Variants in CHMP4A observed in about 807,000 individuals in gnomAD.
The protein encoded by CHMP4A is SNF7 homolog associated with Alix-2.
Under a neutral mutation model 28.2 loss-of-function variants are expected in CHMP4A, and 29 were observed. That is an observed-to-expected ratio of 1.03 (90% CI 0.77 to 1.40). The LOEUF (loss-of-function observed/expected upper bound fraction) is 1.40. Ranked by LOEUF, CHMP4A falls within the 40% of genes most tolerant of loss-of-function variation. CHMP4A has a pLI of 0.00. For missense variants in CHMP4A, 241 were observed against 263.5 expected (o/e 0.91, Z 0.59); for synonymous variants, 88 against 99.3 (o/e 0.89, Z 0.67).
chr14:24,210,649 A>G lies in CHMP4A; in HGVS notation c.474+5T>C, dbSNP rs111479143. ...AATATTCCCTGACCCTTCACCCCCAATCACCTCATCCACATCATCTCCAAA... is the reference window on the plus strand; with the variant it reads ...AATATTCCCTGACCCTTCACCCCCAGTCACCTCATCCACATCATCTCCAAA... On this transcript the variant is annotated splice_donor_5th_base_variant and intron_variant, in intron 4 of 5. Transcript: ENST00000347519. The G allele has an allele frequency of 1.5e-4, 236 of 1,609,794 alleles. No individual in the cohort carries two copies. Among genetic ancestry groups the G allele is most frequent in the African/African-American group, 1.9e-4 (14 of 74,896 alleles).
At chr14:24,210,131 C>T (rs906681502) in intron 5 of CHMP4A, among the ~76,000 whole-genome samples, 196 bp from the exon 6 acceptor site, 8 of 151,972 alleles carry the variant, frequency 5.3e-5, no homozygotes, top group Non-Finnish European at 1.0e-4. Flanking sequence ...AAAATGGTGC[C>T]TCTTGCTCCT....
chr14:24,212,417 C>T (rs1183124676), intron 1 of CHMP4A: 4 of 198,656 alleles, frequency 2.0e-5, no homozygotes, highest in Non-Finnish European at 3.1e-5. Context: ...GACAGAGTCT[C>T]GCTCTGTTGC....
chr14:24,209,802 C>T lies in CHMP4A; in HGVS notation c.*75G>A. 7.0e-7 allele frequency: 1 copy of T among 1,436,798 alleles called. No individual in the cohort carries two copies. Among genetic ancestry groups the T allele is most frequent in the South Asian group, 1.1e-5 (1 of 87,300 alleles). 89.0% of individuals were successfully genotyped at this position (1,436,798 alleles called of 1,614,324 possible). ...CATGACTTCCCCAAAAAGTTATCCT[C>T]CTTTAGCTCAGCACTTGGCACTTAA... On this transcript the variant is annotated 3_prime_UTR_variant, in exon 6 of 6. Coordinates refer to ENST00000347519, the MANE Select transcript of CHMP4A (RefSeq NM_014169.5).
In CHMP4A at chr14:24,211,699, A is replaced by G. The variant is rs1232883727; in HGVS notation, c.162T>C (p.Tyr54=). The G allele has an allele frequency of 6.2e-7, 1 of 1,614,102 alleles. No individual in the cohort carries two copies. Among genetic ancestry groups the G allele is most frequent in the Middle Eastern group, 1.6e-4 (1 of 6,062 alleles). The change falls in exon 2 of 6, where the codon TAT becomes TAC. Residue 54 remains tyrosine (Y), a synonymous_variant. Coordinates refer to ENST00000347519, the MANE Select transcript of CHMP4A (RefSeq NM_014169.5). ...CATTACCTCTCTTATTCTTGGTCCCATACTTCTTGGCTGTTTGTAGCTCCT... is the reference window on the plus strand; with the variant it reads ...CATTACCTCTCTTATTCTTGGTCCCGTACTTCTTGGCTGTTTGTAGCTCCT... ...IQQELQTAKK[Y]GTKNKRAALQ...
intron 1 of CHMP4A, chr14:24,212,960 A>G (rs1354452947): frequency 6.1e-6 from 1 of 163,800 alleles, no homozygotes; most frequent in Non-Finnish European, 1.3e-5. Flanking sequence ...TCGGCCTCCC[A>G]AAGTGTTGCG....
chr14:24,211,333 G>C, intron 3 of CHMP4A, 82 bp downstream of exon 3: 1 of 1,223,822 alleles, frequency 8.2e-7, no homozygotes, highest in Non-Finnish European at 1.1e-6. Context: ...TTCACATTCT[G>C]AGAGGCTTTA....
intron 3 of CHMP4A, chr14:24,211,210 A>C (rs2138859819): frequency 3.8e-6 from 2 of 521,534 alleles, no homozygotes; most frequent in Non-Finnish European, 3.4e-6. Flanking sequence ...CAAAACAAAA[A>C]AAGAATTAGA....
chr14:24,210,004 C>A, intron 5 of CHMP4A, 69 bp from the exon 6 acceptor site: 1 of 1,364,528 alleles, frequency 7.3e-7, no homozygotes, highest in East Asian at 2.3e-5. Flanking sequence ...CCAACCATCC[C>A]CTGCTATGAC....
rs935612919 is a variant in CHMP4A at position 24,211,534 on chromosome 14, G to A, written c.240C>T (p.Asp80=). 3.1e-6 allele frequency: 5 copies of A among 1,614,046 alleles called. No homozygotes were observed. Among genetic ancestry groups the A allele is most frequent in the Non-Finnish European group, 3.4e-6 (4 of 1,179,924 alleles). The change falls in exon 3 of 6, where the codon GAC becomes GAT. Residue 80 remains aspartate, a synonymous_variant. Coordinates refer to ENST00000347519, the MANE Select transcript of CHMP4A (RefSeq NM_014169.5). ...GAAACTCCAGGGTGGATAATGTCCC[G>A]TCAGTTTGTGCCAGCTGCTGTTCGA... ...KRFEQQLAQT[D]GTLSTLEFQR...
intron 3 of CHMP4A, 111 bp downstream of exon 3, chr14:24,211,304 C>G: frequency 2.1e-6 from 2 of 960,460 alleles, no homozygotes; most frequent in Non-Finnish European, 3.0e-6. Context: ...CTAGCCATCA[C>G]AAGTATCTAT....
intron 3 of CHMP4A, 157 bp downstream of exon 3, chr14:24,211,258 A>G (rs190832518): frequency 2.1e-5 from 13 of 631,854 alleles, no homozygotes; most frequent in Admixed American, 1.5e-4. Flanking sequence ...CCAGGCAGCG[A>G]AAGAATTTTA....
chr14:24,211,521 T>C lies in CHMP4A; in HGVS notation c.253A>G (p.Thr85Ala). ...QLAQTDGTLS[T>A]LEFQREAIEN... The stretch of plus-strand genomic sequence containing the variant: ...ATGGCCTCACGCTGAAACTCCAGGG[T>C]GGATAATGTCCCGTCAGTTTGTGCC... The change falls in exon 3 of 6, where the codon ACC (threonine) becomes GCC (alanine). Residue 85 changes from threonine to alanine, a missense_variant. Thr to Ala is a moderately conservative substitution (Grantham distance 58). Coordinates refer to ENST00000347519, the MANE Select transcript of CHMP4A (RefSeq NM_014169.5). 6.2e-7 allele frequency: 1 copy of C among 1,614,074 alleles called. No individual in the cohort carries two copies.
At chr14:24,211,185 A>AAAAAC (rs994291291) in intron 3 of CHMP4A, 11 of 504,848 alleles carry the variant, frequency 2.2e-5, no homozygotes, top group Admixed American at 3.2e-5. Context: ...CTCCATCTCA[A>AAAAAC]AAAACAAAAC....
Position 24,211,821 on chromosome 14 carries a change from C to T in CHMP4A, c.40G>A (p.Glu14Lys). 2 of 1,613,068 alleles carry T rather than the reference C, an allele frequency of 1.2e-6. No homozygotes were observed. The highest frequency in any genetic ancestry group is 2.2e-5 in the East Asian group (1 of 44,880). The change falls in exon 2 of 6, where the codon GAG becomes AAG. Residue 14 changes from glutamate to lysine, a missense_variant. Coordinates refer to ENST00000347519, the MANE Select transcript of CHMP4A (RefSeq NM_014169.5). ...LGRLFGKGKK[E>K]KGPTPEEAIQ... Reference sequence around the variant, plus strand: ...GCTTCTTCAGGGGTTGGCCCTTTCTCCTTCTTCCCTGAGGAGTCCAGTGGA... The same window carrying T: ...GCTTCTTCAGGGGTTGGCCCTTTCTTCTTCTTCCCTGAGGAGTCCAGTGGA...
At chr14:24,210,255 G>A in intron 5 of CHMP4A, 93 bp downstream of exon 5, 1 of 1,499,420 alleles carries the variant, frequency 6.7e-7, no homozygotes, top group South Asian at 1.3e-5. Context: ...CTTTCTGTGT[G>A]GCTCCTTTGA....
At chr14:24,212,681 C>G (rs4597237) in intron 1 of CHMP4A, 236,108 of 241,846 alleles carry the variant, frequency 0.98, 115,505 homozygotes, top group East Asian at 1. Context: ...CAGCCTCCCC[C>G]AGTAGCTGGG....
chr14:24,210,205 C>T (rs1594469102), intron 5 of CHMP4A, 143 bp downstream of exon 5: 1 of 1,139,810 alleles, frequency 8.8e-7, no homozygotes, highest in African/African-American at 1.5e-5. Context: ...AGGTGGGTGC[C>T]TATATGCAGT....
At position 24,210,732 on chromosome 14, in the gene CHMP4A, G is replaced by A; in HGVS notation, c.396C>T (p.Ile132=). ...IDKVDELMTD[I]TEQQEVAQQI... The stretch of plus-strand genomic sequence containing the variant: ...GCTGGGCCACCTCCTGTTGTTCCGT[G>A]ATGTCAGTCATCAGTTCATCTACCT... Residue 132 remains isoleucine, a synonymous_variant, in exon 4 of 6, where the codon ATC becomes ATT. Transcript: ENST00000347519. 1 of 1,614,142 alleles carries A rather than the reference G, an allele frequency of 6.2e-7. No individual in the cohort carries two copies. The highest frequency in any genetic ancestry group is 8.5e-7 in the Non-Finnish European group (1 of 1,180,008).
Position 24,209,646 on chromosome 14 carries a change from G to A in CHMP4A, c.*231C>T. Reference sequence around the variant, plus strand: ...CTGCCCAGTTTTATTGGGAACAAGGGCATTATAACTGCTATCAAAGAGAAG... The same window carrying A: ...CTGCCCAGTTTTATTGGGAACAAGGACATTATAACTGCTATCAAAGAGAAG... On this transcript the variant is annotated 3_prime_UTR_variant, in exon 6 of 6. Coordinates refer to ENST00000347519, the MANE Select transcript of CHMP4A (RefSeq NM_014169.5). 1 of 529,406 alleles carries A rather than the reference G, an allele frequency of 1.9e-6. No individual in the cohort carries two copies. The highest frequency in any genetic ancestry group is 3.4e-6 in the Non-Finnish European group (1 of 292,542). 32.8% of individuals were successfully genotyped at this position (529,406 alleles called of 1,614,324 possible). A position where few individuals can be genotyped will look rare whatever the true frequency, so the allele number is the denominator to read the frequency against.
Sources: allele counts gnomAD v4.1 joint callset (sites outside exome capture counted in the v4.1 genomes callset), GRCh38; gene constraint gnomAD v4.1.1; transcripts MANE v1.5; gene names NCBI Gene and HGNC (gene_info 2026-07-23, HGNC 2026-07-21).